Variants in ERBB4 observed in about 807,000 individuals in gnomAD.
The protein encoded by ERBB4 is erb-b2 receptor tyrosine kinase 4, also known as receptor tyrosine-protein kinase erbB-4.
ERBB4 carries 42 observed loss-of-function variants against 158.0 expected under a neutral mutation model. That is an observed-to-expected ratio of 0.27 (90% CI 0.21 to 0.34). The LOEUF (loss-of-function observed/expected upper bound fraction) is 0.34. Among genes scored for constraint, ERBB4 ranks in the 10% least tolerant of loss-of-function variants. The pLI is 1.00. For missense variants in ERBB4, 1,333 were observed against 1,624.1 expected (o/e 0.82, Z 3.08); for synonymous variants, 583 against 558.7 (o/e 1.04, Z -0.61).
intron 14 of ERBB4, among the ~76,000 whole-genome samples, chr2:211,670,903 G>A (rs1382944013): frequency 6.6e-6 from 1 of 152,060 alleles, no homozygotes; most frequent in Non-Finnish European, 1.5e-5. Context: ...AACTAATAAA[G>A]GCATACTGAA....
intron 1 of ERBB4, among the ~76,000 whole-genome samples, chr2:212,410,142 A>T (rs984350708): frequency 6.6e-6 from 1 of 152,062 alleles, no homozygotes; most frequent in Non-Finnish European, 1.5e-5. Flanking sequence ...CAGCTATACA[A>T]TGTAATCACC....
At chr2:212,530,307 A>T (rs1388376837) in intron 1 of ERBB4, among the ~76,000 whole-genome samples, 1 of 152,176 alleles carries the variant, frequency 6.6e-6, no homozygotes, top group Non-Finnish European at 1.5e-5. Context: ...TCTAGACAAA[A>T]TTACCAGACA....
At chr2:211,529,972 A>G (rs1451551790) in intron 20 of ERBB4, among the ~76,000 whole-genome samples, 1 of 152,150 alleles carries the variant, frequency 6.6e-6, no homozygotes, top group Non-Finnish European at 1.5e-5. Context: ...GTTATTCAGG[A>G]TACTGGATAA....
intron 19 of ERBB4, among the ~76,000 whole-genome samples, chr2:211,572,322 GT>G (rs1207406499): frequency 1.3e-5 from 2 of 152,160 alleles, no homozygotes; most frequent in East Asian, 3.8e-4. Context: ...GAATAAAGAA[GT>G]TTAGAGTATA....
At chr2:211,946,917 TG>T (rs1223428634) in intron 3 of ERBB4, among the ~76,000 whole-genome samples, 5 of 152,068 alleles carry the variant, frequency 3.3e-5, no homozygotes, top group Non-Finnish European at 7.4e-5. Context: ...CTGATGTTAT[TG>T]AAGTATTCTG....
intron 2 of ERBB4, among the ~76,000 whole-genome samples, chr2:211,992,569 A>G (rs76332711): frequency 0.14 from 15,523 of 112,430 alleles, 1,155 homozygotes; most frequent in African/African-American, 0.24. Context: ...GAGAGAGAGA[A>G]AAAAAAAAAA....
intron 1 of ERBB4, among the ~76,000 whole-genome samples, chr2:212,395,957 A>G (rs1023876368): frequency 1.3e-5 from 2 of 152,102 alleles, no homozygotes; most frequent in Admixed American, 1.3e-4. Flanking sequence ...AACCCAGTGG[A>G]TAACTACTGA....
At chr2:211,515,483 TA>T (rs1416631542) in intron 20 of ERBB4, among the ~76,000 whole-genome samples, 1 of 151,972 alleles carries the variant, frequency 6.6e-6, no homozygotes, top group Non-Finnish European at 1.5e-5. Context: ...TGGACAGGGG[TA>T]ATGTCAGTTG....
At chr2:211,664,327 A>ATG (rs113835907) in intron 15 of ERBB4, among the ~76,000 whole-genome samples, 3,097 of 148,900 alleles carry the variant, frequency 0.021, 75 homozygotes, top group Admixed American at 0.056. Context: ...TCAACTACAA[A>ATG]TGTGTGTGTG....
intron 1 of ERBB4, among the ~76,000 whole-genome samples, chr2:212,210,043 T>A (rs914814481): frequency 1.3e-5 from 2 of 152,070 alleles, no homozygotes; most frequent in Non-Finnish European, 2.9e-5. Context: ...TCATTTAGCC[T>A]CTGGCTAAAA....
intron 2 of ERBB4, among the ~76,000 whole-genome samples, chr2:212,046,296 T>A (rs1052632797): frequency 1.3e-5 from 2 of 152,216 alleles, no homozygotes; most frequent in African/African-American, 2.4e-5. Context: ...ACTTTACAGA[T>A]GAGGGACCTA....
At position 212,218,162 on chromosome 2, in the gene ERBB4, A is replaced by G. The variant is rs543220851; in HGVS notation, c.83-93259T>C. Among the ~76,000 whole-genome samples, 3 of 151,460 alleles carry G rather than the reference A, an allele frequency of 2.0e-5. No homozygotes were observed. The South Asian group carries it at 6.2e-4, about 31-fold the overall frequency. On this transcript the variant is annotated intron_variant, in intron 1 of 27. Transcript: ENST00000342788. ...AGCTGCTTTAGAAATATTGGCATAAAACCTTTTTTATAAGTTGCACATAAT... is the reference window on the plus strand; with the variant it reads ...AGCTGCTTTAGAAATATTGGCATAAGACCTTTTTTATAAGTTGCACATAAT...
chr2:211,393,060 G>C (rs1270853411), intron 25 of ERBB4, among the ~76,000 whole-genome samples: 1 of 152,086 alleles, frequency 6.6e-6, no homozygotes, highest in African/African-American at 2.4e-5. Flanking sequence ...ACTATGAGTG[G>C]TATCTGTAAA....
At chr2:211,926,234 G>A (rs1216490293) in intron 3 of ERBB4, among the ~76,000 whole-genome samples, 4 of 152,156 alleles carry the variant, frequency 2.6e-5, no homozygotes, top group Middle Eastern at 3.4e-3. Context: ...TGTTCTGACT[G>A]CATCCTCAGG....
At chr2:211,492,168 G>A (rs2065359814) in intron 20 of ERBB4, among the ~76,000 whole-genome samples, 1 of 152,066 alleles carries the variant, frequency 6.6e-6, no homozygotes, top group Non-Finnish European at 1.5e-5. Context: ...AGACTGCCTT[G>A]GGAGCCTGGA....
In ERBB4 at chr2:211,380,227, G is replaced by A. The variant is rs1836724; in HGVS notation, c.*3388C>T. On this transcript the variant is annotated 3_prime_UTR_variant, in exon 28 of 28. Transcript: ENST00000342788. ...GCTACTAATACTATGCAGAAAACCAGGAGCTGCTTGGTAGTCTAACACCTT... is the reference window on the plus strand; with the variant it reads ...GCTACTAATACTATGCAGAAAACCAAGAGCTGCTTGGTAGTCTAACACCTT... The A allele has an allele frequency of 0.6, 139,078 of 231,818 alleles. 43,019 individuals are homozygous for A. The highest frequency in any genetic ancestry group is 0.77 in the East Asian group (12,580 of 16,422). 14.4% of individuals were successfully genotyped at this position (231,818 alleles called of 1,614,324 possible).
At chr2:211,520,158 C>T (rs936971792) in intron 20 of ERBB4, among the ~76,000 whole-genome samples, 4 of 152,028 alleles carry the variant, frequency 2.6e-5, no homozygotes, top group African/African-American at 9.7e-5. Flanking sequence ...TTTAGCAATA[C>T]ATTTGTTGGT....
rs1480160641 is a variant in ERBB4, at chr2:212,383,932, C to CTGT, written c.82+154516_82+154517insACA. ...CAGAACTCTGAACACAGTGCATTAC[C>CTGT]CATTGTCATTGCTTGCTTGACATTT... On this transcript the variant is annotated intron_variant, in intron 1 of 27. Coordinates refer to ENST00000342788, the MANE Select transcript of ERBB4 (RefSeq NM_005235.3). Among the ~76,000 whole-genome samples the CTGT allele has an allele frequency of 1.1e-3, 163 of 151,724 alleles. 3 individuals carry two copies. The South Asian group carries it at 0.033, about 31-fold the overall frequency.
intron 1 of ERBB4, among the ~76,000 whole-genome samples, chr2:212,269,246 C>T (rs547747543): frequency 6.6e-6 from 1 of 151,824 alleles, no homozygotes; most frequent in East Asian, 1.9e-4. Flanking sequence ...ACTGACTACA[C>T]GTCCACCTTA....
Sources: gnomAD v4.1 joint callset for allele counts (sites outside exome capture counted in the v4.1 genomes callset) on GRCh38, gnomAD v4.1.1 for gene constraint, MANE v1.5 for transcripts, NCBI Gene and HGNC (gene_info 2026-07-23, HGNC 2026-07-21) for gene names.